Variants in ARID1B observed in about 807,000 individuals in gnomAD.
ARID1B encodes AT-rich interactive domain-containing protein 1B.
Under a neutral mutation model 212.3 loss-of-function variants are expected in ARID1B, and 30 were observed. The ratio of observed to expected loss-of-function variants is 0.14; its 90% confidence interval spans 0.11 to 0.19. The LOEUF is 0.19. Among genes scored for constraint, ARID1B ranks in the 10% least tolerant of loss-of-function variants. The pLI is 1.00. For missense variants in ARID1B, 2,891 were observed against 3,204.0 expected, an observed-to-expected ratio of 0.90 and a Z score of 2.36; for synonymous variants, 1,402 against 1,301.7, an observed-to-expected ratio of 1.08 and a Z score of -1.66.
chr6:157,054,223 C>CAAA (rs71645383), intron 4 of ARID1B, among the ~76,000 whole-genome samples: 3 of 144,786 alleles, frequency 2.1e-5, no homozygotes, highest in Admixed American at 7.0e-5. Context: ...GACTCTGTCT[C>CAAA]AAAAAAAAGA....
chr6:156,930,396 T>G (rs1791601155), intron 3 of ARID1B, among the ~76,000 whole-genome samples: 2 of 152,352 alleles, frequency 1.3e-5, no homozygotes, highest in South Asian at 4.1e-4. Context: ...TCCTGAGGCC[T>G]CCTCAGAAGC....
chr6:157,178,684 T>G (rs1792286199), intron 11 of ARID1B, among the ~76,000 whole-genome samples: 1 of 151,958 alleles, frequency 6.6e-6, no homozygotes, highest in African/African-American at 2.4e-5. Context: ...TTTTCCAGTG[T>G]TATGACAACA....
intron 4 of ARID1B, among the ~76,000 whole-genome samples, chr6:157,066,475 C>G (rs960198992): frequency 6.6e-6 from 1 of 152,050 alleles, no homozygotes; most frequent in Non-Finnish European, 1.5e-5. Flanking sequence ...AAGTATCTTC[C>G]ATTAAATATA....
chr6:157,119,381 C>T (rs569978817), intron 6 of ARID1B, among the ~76,000 whole-genome samples: 15 of 152,316 alleles, frequency 9.8e-5, no homozygotes, highest in South Asian at 8.3e-4. Flanking sequence ...CTGATCTGTG[C>T]GGTCAAGGGG....
intron 16 of ARID1B, 200 bp from the exon 17 acceptor site, chr6:157,198,611 A>G (rs1174983196): frequency 1.9e-6 from 1 of 536,828 alleles, no homozygotes; most frequent in Non-Finnish European, 3.3e-6. Flanking sequence ...GCTTGGCACC[A>G]TTCCCAAAAT....
chr6:157,201,219 C>T lies in ARID1B; in HGVS notation c.4994C>T (p.Thr1665Met), dbSNP rs570186838. ...ITRPPQPSYQ[T>M]PPSLPNHISR... ...CGCCCACCACAGCCGTCCTACCAGA[C>T]GCCACCGTCACTGCCAAATCACATC... Residue 1665 changes from threonine to methionine, a missense_variant, in exon 18 of 20, where the codon ACG (threonine) becomes ATG (methionine). Thr to Met is a moderately conservative substitution (Grantham distance 81). Coordinates refer to ENST00000636930, the MANE Select transcript of ARID1B (RefSeq NM_001374828.1). The surrounding 1 kb of genome is among the most constrained non-coding windows in gnomAD (Gnocchi z 5.2). 138 of 1,613,784 alleles carry T rather than the reference C, an allele frequency of 8.6e-5. No individual in the cohort carries two copies. Among genetic ancestry groups the T allele is most frequent in the Non-Finnish European group, 1.1e-4 (129 of 1,179,864 alleles).
chr6:156,845,282 C>T (rs1465267398), intron 2 of ARID1B, among the ~76,000 whole-genome samples: 1 of 152,226 alleles, frequency 6.6e-6, no homozygotes, highest in African/African-American at 2.4e-5. Context: ...GCATTCTGTA[C>T]TTTATTACCC....
rs866015840 is a variant in ARID1B, at chr6:157,045,938, G to C, written c.2248-38724G>C. Reference sequence around the variant, plus strand: ...GAGAGGAATCTGCAGTGTTTCTCTAGGACCTCAAGGATCTCAAGTTCTCCC... The same window carrying C: ...GAGAGGAATCTGCAGTGTTTCTCTACGACCTCAAGGATCTCAAGTTCTCCC... On this transcript the variant is annotated intron_variant, in intron 4 of 19. Transcript: ENST00000636930. Among the ~76,000 whole-genome samples the C allele has an allele frequency of 2.0e-5, 3 of 152,190 alleles. No homozygotes were observed. In the South Asian group the frequency reaches 6.2e-4, roughly 32 times the overall value.
At chr6:156,844,049 A>G (rs981173727) in intron 2 of ARID1B, among the ~76,000 whole-genome samples, 3 of 152,274 alleles carry the variant, frequency 2.0e-5, no homozygotes, top group African/African-American at 4.8e-5. Context: ...TTCAAGTTCA[A>G]TTAGATTGTA....
At chr6:157,187,149 G>T (rs766772656) in intron 13 of ARID1B, among the ~76,000 whole-genome samples, 133 of 152,168 alleles carry the variant, frequency 8.7e-4, no homozygotes, top group Non-Finnish European at 1.7e-3. Flanking sequence ...TCTAGAAAAG[G>T]TTGTGGGGGA....
chr6:157,155,514 A>G (rs144869241), intron 8 of ARID1B, among the ~76,000 whole-genome samples: 27 of 152,338 alleles, frequency 1.8e-4, no homozygotes, highest in African/African-American at 6.3e-4. Context: ...ATTAATTTGA[A>G]AAGTCTTGTT....
chr6:157,197,885 C>T (rs1793839691), intron 16 of ARID1B, among the ~76,000 whole-genome samples: 1 of 152,218 alleles, frequency 6.6e-6, no homozygotes, highest in African/African-American at 2.4e-5. Context: ...CCTATCTCTG[C>T]ATTTCCTTCT....
intron 1 of ARID1B, among the ~76,000 whole-genome samples, chr6:156,782,357 G>A (rs1226537049): frequency 6.6e-6 from 1 of 151,978 alleles, no homozygotes; most frequent in Non-Finnish European, 1.5e-5. Context: ...TATATTATAG[G>A]AGAAGGGTCT....
intron 7 of ARID1B, among the ~76,000 whole-genome samples, chr6:157,133,983 T>C (rs950462867): frequency 6.6e-6 from 1 of 152,240 alleles, no homozygotes; most frequent in African/African-American, 2.4e-5. Context: ...ACCTTCCTTA[T>C]ATTTTGTTTA....
chr6:157,186,681 G>A (rs954389046), intron 13 of ARID1B: 3 of 370,174 alleles, frequency 8.1e-6, no homozygotes, highest in African/African-American at 2.1e-5. Flanking sequence ...CGGTAAAAAT[G>A]TATGTTCTTT....
intron 7 of ARID1B, among the ~76,000 whole-genome samples, chr6:157,140,356 G>A (rs1310589002): frequency 6.6e-6 from 1 of 152,104 alleles, no homozygotes; most frequent in African/African-American, 2.4e-5. Context: ...TGTAATCCCA[G>A]CTACTCAGGA....
intron 12 of ARID1B, among the ~76,000 whole-genome samples, chr6:157,183,400 C>G (rs1191711594): frequency 6.6e-6 from 1 of 152,136 alleles, no homozygotes; most frequent in Non-Finnish European, 1.5e-5. Context: ...AACCACTGTC[C>G]CCTTACCTCC....
At chr6:156,789,936 C>T (rs999919830) in intron 1 of ARID1B, among the ~76,000 whole-genome samples, 1 of 152,134 alleles carries the variant, frequency 6.6e-6, no homozygotes, top group South Asian at 2.1e-4. Context: ...ATTGTATTTT[C>T]TCATGAATAA....
At chr6:157,126,307 C>G (rs1255000811) in intron 6 of ARID1B, among the ~76,000 whole-genome samples, 2 of 152,084 alleles carry the variant, frequency 1.3e-5, no homozygotes, top group South Asian at 2.1e-4. Context: ...CACAAAGGAG[C>G]CTGTGGACCC....
Sources: allele counts gnomAD v4.1 joint callset (sites outside exome capture counted in the v4.1 genomes callset), GRCh38; gene constraint gnomAD v4.1.1; non-coding constraint Gnocchi (gnomAD v3.1); transcripts MANE v1.5; gene names NCBI Gene and HGNC (gene_info 2026-07-23, HGNC 2026-07-21).